Variants in ATRX observed in about 807,000 individuals in gnomAD.
The protein encoded by ATRX is ATRX chromatin remodeler.
A neutral mutation model predicts 172.6 loss-of-function variants in ATRX; 12 were observed. The ratio of observed to expected loss-of-function variants is 0.07; its 90% CI spans 0.04 to 0.11. The LOEUF (loss-of-function observed/expected upper bound fraction) is 0.11, where lower values mean the gene tolerates loss of function less well. Among genes scored for constraint, ATRX ranks in the 10% least tolerant of loss-of-function variants. The pLI is 1.00. For synonymous variants in ATRX, 674 were observed against 594.7 expected, an observed-to-expected ratio of 1.13 and a Z score of -1.94; for missense variants, 1,368 against 1,767.4, an observed-to-expected ratio of 0.77 and a Z score of 4.05.
intron 28 of ATRX, among the ~76,000 whole-genome samples, chrX:77,565,630 C>A (rs2147983443): frequency 9.0e-6 from 1 of 111,727 alleles, no homozygotes; most frequent in Non-Finnish European, 1.9e-5. Context: ...CAAAGGCACG[C>A]AGATTACTTG....
intron 1 of ATRX, among the ~76,000 whole-genome samples, chrX:77,744,958 T>C (rs1398866758): frequency 9.2e-6 from 1 of 108,575 alleles, no homozygotes; most frequent in Non-Finnish European, 1.9e-5. Flanking sequence ...ATCGCACCAC[T>C]GCACTCCAGC....
rs1557041781 is a variant in ATRX, at chrX:77,522,305, G to A, written c.6933C>T (p.Phe2311=). Reference sequence around the variant, plus strand: ...TCATTGCTGACAGGGCTCCCAAATTGAAAGGAATATAAGGAGTTTGAGAGT... The same window carrying A: ...TCATTGCTGACAGGGCTCCCAAATTAAAAGGAATATAAGGAGTTTGAGAGT... ...SFNSQTPYIP[F]NLGALSAMSN... Residue 2311 remains phenylalanine, a synonymous_variant, in exon 32 of 35, where the codon TTC becomes TTT. Transcript: ENST00000373344. The A allele has an allele frequency of 1.7e-6, 2 of 1,210,623 alleles. No homozygotes were observed. The highest frequency in any genetic ancestry group is 1.1e-6 in the Non-Finnish European group (1 of 894,614).
At chrX:77,707,894 AC>A (rs782663762) in intron 2 of ATRX, among the ~76,000 whole-genome samples, 1 of 112,507 alleles carries the variant, frequency 8.9e-6, no homozygotes, top group Non-Finnish European at 1.9e-5. Flanking sequence ...CTTCACATGC[AC>A]TAGAATGGCT....
intron 28 of ATRX, among the ~76,000 whole-genome samples, chrX:77,567,281 A>G (rs1479533529): frequency 8.9e-6 from 1 of 112,032 alleles, no homozygotes; most frequent in Non-Finnish European, 1.9e-5. Flanking sequence ...TAAACGGTCT[A>G]TATACACCAT....
At chrX:77,716,472 T>C (rs932375833) in intron 2 of ATRX, among the ~76,000 whole-genome samples, 6 of 107,821 alleles carry the variant, frequency 5.6e-5, no homozygotes, top group African/African-American at 2.0e-4. Flanking sequence ...ACTCTTATGT[T>C]GGGTGTGATG....
rs1057517948 is a variant in ATRX, at chrX:77,574,322, C to T, written c.6254G>A (p.Arg2085His). The change falls in exon 28 of 35, where the codon CGT becomes CAT. Residue 2085 changes from arginine (R) to histidine (H), a missense_variant. Transcript: ENST00000373344. Reference protein sequence around the residue: ...GKWLRNIDYYRLDGSTTAQSR... With the variant: ...GKWLRNIDYYHLDGSTTAQSR... Reference sequence around the variant, plus strand: ...CTGTGCAGTAGTGGAACCATCTAAACGGTAATAGTCAATGTTTCGAAGCCA... The same window carrying T: ...CTGTGCAGTAGTGGAACCATCTAAATGGTAATAGTCAATGTTTCGAAGCCA... The T allele has an allele frequency of 8.3e-7, 1 of 1,207,719 alleles. No individual in the cohort carries two copies. The highest frequency in any genetic ancestry group is 1.1e-6 in the Non-Finnish European group (1 of 892,276).
In ATRX at chrX:77,505,670, T is replaced by C; in HGVS notation, c.*2681A>G. ...TATACATTTTCTATGAAACAGTATG[T>C]GCACAGATTTTCAAAGCTGTGAAAA... On this transcript the variant is annotated 3_prime_UTR_variant, in exon 35 of 35. Coordinates refer to ENST00000373344, the MANE Select transcript of ATRX (RefSeq NM_000489.6). 5.7e-6 allele frequency: 1 copy of C among 173,977 alleles called. No individual in the cohort carries two copies. The highest frequency in any genetic ancestry group is 1.1e-5 in the Non-Finnish European group (1 of 90,373). The allele number at this position is 173,977 out of a possible 1,213,427, so 14.3% of individuals were successfully genotyped here. A position where few individuals can be genotyped will look rare whatever the true frequency, so the allele number is the denominator to read the frequency against.
chrX:77,515,294 G>A (rs1299484327), intron 34 of ATRX, among the ~76,000 whole-genome samples: 1 of 110,982 alleles, frequency 9.0e-6, no homozygotes, highest in Non-Finnish European at 1.9e-5. Context: ...AATGACACAC[G>A]TATATGTTCA....
rs781958851 is a variant in ATRX at position 77,618,796 on chromosome X, A to T, written c.5448+10T>A. On this transcript the variant is annotated intron_variant, in intron 21 of 34. Transcript: ENST00000373344. ...TAAGAATATTTTATTACTATGGAAC[A>T]TATTTGTACCTGAACACATCCAGCT... 4.2e-6 allele frequency: 5 copies of T among 1,198,501 alleles called. No homozygotes were observed. Among genetic ancestry groups the T allele is most frequent in the Admixed American group, 2.2e-5 (1 of 45,978 alleles).
chrX:77,697,211 T>C (rs1201986828), intron 4 of ATRX, among the ~76,000 whole-genome samples: 6 of 111,802 alleles, frequency 5.4e-5, no homozygotes, highest in African/African-American at 1.9e-4. Flanking sequence ...GATGACTAAC[T>C]TCCCATCCTA....
chrX:77,612,110 T>C, intron 22 of ATRX, among the ~76,000 whole-genome samples: 1 of 110,968 alleles, frequency 9.0e-6, no homozygotes, highest in African/African-American at 3.3e-5. Context: ...AGTTCACTCA[T>C]CTCAGGTCTC....
intron 30 of ATRX, among the ~76,000 whole-genome samples, chrX:77,554,630 T>C (rs782067423): frequency 5.4e-5 from 6 of 111,823 alleles, no homozygotes; most frequent in Non-Finnish European, 1.1e-4. Flanking sequence ...AACTGTTCAA[T>C]CTCTCATTCA....
At chrX:77,758,033 T>C (rs1404833497) in intron 1 of ATRX, among the ~76,000 whole-genome samples, 1 of 111,511 alleles carries the variant, frequency 9.0e-6, no homozygotes, top group African/African-American at 3.3e-5. Flanking sequence ...AACTCTTCCC[T>C]CCTCCTTGCA....
At chrX:77,533,172 C>T (rs2063636407) in intron 30 of ATRX, among the ~76,000 whole-genome samples, 1 of 112,105 alleles carries the variant, frequency 8.9e-6, no homozygotes, top group Admixed American at 9.4e-5. Context: ...AGAAAAATAA[C>T]ACTTTTATAC....
At chrX:77,593,623 C>A in intron 26 of ATRX, 73 bp downstream of exon 26, 1 of 1,054,902 alleles carries the variant, frequency 9.5e-7, no homozygotes, top group South Asian at 2.0e-5. Context: ...CAGATTTGTT[C>A]AAATACATTG....
At position 77,557,456 on chromosome X, in the gene ATRX, G is replaced by A; in HGVS notation, c.6694C>T (p.Pro2232Ser). The stretch of plus-strand genomic sequence containing the variant: ...AATAATCTAAATATGTTTACCTTTG[G>A]CAGCATGGGAGTATCCCTCTTCTTC... ...KKKKRDTPML[P>S]KDTILAELLQ... The change falls in exon 30 of 35, where the codon CCA (proline) becomes TCA (serine). Residue 2232 changes from proline to serine, a missense_variant. Transcript: ENST00000373344. The A allele has an allele frequency of 8.3e-7, 1 of 1,209,396 alleles. No individual in the cohort carries two copies. Among genetic ancestry groups the A allele is most frequent in the Non-Finnish European group, 1.1e-6 (1 of 894,063 alleles).
intron 30 of ATRX, among the ~76,000 whole-genome samples, chrX:77,537,211 C>T (rs1481796870): frequency 1.8e-5 from 2 of 111,583 alleles, no homozygotes; most frequent in Non-Finnish European, 3.8e-5. Context: ...CTTGCTGAAC[C>T]CTCAGTCTTC....
chrX:77,712,024 C>A (rs183867871), intron 2 of ATRX, among the ~76,000 whole-genome samples: 271 of 111,896 alleles, frequency 2.4e-3, no homozygotes, highest in African/African-American at 8.3e-3. Flanking sequence ...TTCGTGCAAT[C>A]TGGTTTTCCC....
chrX:77,684,581 T>C lies in ATRX; in HGVS notation c.675A>G (p.Glu225=). Residue 225 remains glutamate (E), a synonymous_variant, in exon 9 of 35, where the codon GAA becomes GAG. Coordinates refer to ENST00000373344, the MANE Select transcript of ATRX (RefSeq NM_000489.6). ...GMDEQCRWCA[E]GGNLICCDFC... is the part of the protein sequence containing the mutation. ...AGTCACAACAAATCAAGTTTCCACC[T>C]TCCGCACACCACCTGAAATGTTTTA... The C allele has an allele frequency of 1.7e-6, 2 of 1,208,985 alleles. No individual in the cohort carries two copies. Among genetic ancestry groups the C allele is most frequent in the Non-Finnish European group, 2.2e-6 (2 of 892,945 alleles).
Sources: gnomAD v4.1 joint callset for allele counts (sites outside exome capture counted in the v4.1 genomes callset) on GRCh38, gnomAD v4.1.1 for gene constraint, MANE v1.5 for transcripts, NCBI Gene and HGNC (gene_info 2026-07-23, HGNC 2026-07-21) for gene names.